Variants in BEND2 observed in about 807,000 individuals in gnomAD.
The protein encoded by BEND2 is BEN domain-containing protein 2.
A neutral mutation model predicts 43.8 loss-of-function variants in BEND2; 19 were observed. That is an observed-to-expected ratio of 0.43 (90% CI 0.30 to 0.64). The LOEUF (loss-of-function observed/expected upper bound fraction) is 0.64, where lower values mean the gene tolerates loss of function less well. Ranked by LOEUF, BEND2 falls within the 30% of genes least tolerant of loss-of-function variation. The pLI is 0.11. For synonymous variants in BEND2, 226 were observed against 210.1 expected, an observed-to-expected ratio of 1.08 and a Z score of -0.66; for missense variants, 544 against 574.0, an observed-to-expected ratio of 0.95 and a Z score of 0.53.
chrX:18,179,837 T>A (rs750872001), intron 9 of BEND2, among the ~76,000 whole-genome samples: 5 of 112,515 alleles, frequency 4.4e-5, no homozygotes, highest in African/African-American at 1.6e-4. Context: ...GGTCCCCTCA[T>A]CTCTGCCACT....
chrX:18,196,983 C>T (rs1316569596), intron 6 of BEND2, among the ~76,000 whole-genome samples: 1 of 111,897 alleles, frequency 8.9e-6, no homozygotes, highest in East Asian at 2.8e-4. Context: ...AAAACTGGGG[C>T]TATCTCAGTT....
chrX:18,203,386 T>C (rs368997057), intron 5 of BEND2, 115 bp downstream of exon 5: 4 of 876,187 alleles, frequency 4.6e-6, no homozygotes, highest in Non-Finnish European at 4.8e-6. Flanking sequence ...GAATCTATAA[T>C]GGCTTCAAGA....
intron 1 of BEND2, among the ~76,000 whole-genome samples, chrX:18,217,454 G>A (rs917844204): frequency 8.9e-6 from 1 of 111,939 alleles, no homozygotes; most frequent in Non-Finnish European, 1.9e-5. Flanking sequence ...ACTAATGCAG[G>A]AGAATAAAAT....
intron 9 of BEND2, among the ~76,000 whole-genome samples, chrX:18,179,179 GTTTTTTT>G (rs1164362773): frequency 4.6e-4 from 27 of 58,385 alleles, no homozygotes; most frequent in African/African-American, 1.7e-3. Flanking sequence ...TTTTGTTTCT[GTTTTTTT>G]TTTTTTTTTT....
chrX:18,202,214 C>T (rs1346403227), intron 5 of BEND2, among the ~76,000 whole-genome samples: 1 of 111,567 alleles, frequency 9.0e-6, no homozygotes, highest in Admixed American at 9.5e-5. Context: ...AGTAGATCAC[C>T]CATATATAGC....
intron 8 of BEND2, among the ~76,000 whole-genome samples, chrX:18,181,978 C>A (rs1160907182): frequency 8.9e-6 from 1 of 111,910 alleles, no homozygotes; most frequent in East Asian, 2.8e-4. Context: ...ACAAGACCCT[C>A]GATTGCCAGG....
chrX:18,179,773 T>A (rs776888365), intron 9 of BEND2, among the ~76,000 whole-genome samples: 1 of 112,396 alleles, frequency 8.9e-6, no homozygotes, highest in East Asian at 2.8e-4. Flanking sequence ...GAGACAAAAA[T>A]GAACTGACTA....
chrX:18,180,921 C>T (rs1172744800), intron 8 of BEND2, among the ~76,000 whole-genome samples: 1 of 110,161 alleles, frequency 9.1e-6, no homozygotes, highest in Non-Finnish European at 1.9e-5. Flanking sequence ...ATTACACGCA[C>T]CCACCACCAT....
At chrX:18,207,912 G>A (rs1469978469) in intron 4 of BEND2, among the ~76,000 whole-genome samples, 2 of 110,964 alleles carry the variant, frequency 1.8e-5, no homozygotes, top group East Asian at 2.8e-4. Flanking sequence ...CCAGCTACTC[G>A]GGAGGCTGAG....
chrX:18,214,865 C>T (rs916184203), intron 2 of BEND2, among the ~76,000 whole-genome samples: 5 of 99,274 alleles, frequency 5.0e-5, no homozygotes, highest in African/African-American at 1.5e-4. Context: ...CTAAAAAATT[C>T]AGCTCATTAC....
chrX:18,191,133 G>C, intron 7 of BEND2, 25 bp from the exon 8 acceptor site: 3 of 1,121,696 alleles, frequency 2.7e-6, no homozygotes, highest in Non-Finnish European at 3.6e-6. Context: ...ATTTCAATAT[G>C]TAAAACATTT....
chrX:18,169,834 C>A (rs1889886700), intron 13 of BEND2, among the ~76,000 whole-genome samples: 1 of 111,945 alleles, frequency 8.9e-6, no homozygotes, highest in Non-Finnish European at 1.9e-5. Flanking sequence ...AGACATCTTC[C>A]AGATTTTAAT....
chrX:18,190,165 G>A (rs1221288044), intron 8 of BEND2, among the ~76,000 whole-genome samples: 4 of 111,792 alleles, frequency 3.6e-5, no homozygotes, highest in Non-Finnish European at 7.5e-5. Flanking sequence ...ATAGTTGACG[G>A]TTTCTTATAA....
chrX:18,204,951 A>C (rs971416187), intron 4 of BEND2, among the ~76,000 whole-genome samples: 1 of 112,101 alleles, frequency 8.9e-6, no homozygotes, highest in Non-Finnish European at 1.9e-5. Flanking sequence ...ATATACAGAC[A>C]GTGAGTGTTC....
chrX:18,202,254 C>G (rs1179044321), intron 5 of BEND2, among the ~76,000 whole-genome samples: 1 of 112,079 alleles, frequency 8.9e-6, no homozygotes, highest in Non-Finnish European at 1.9e-5. Context: ...TACAGCGCCC[C>G]TGGAAAATAG....
At chrX:18,220,500 C>T (rs1925836362) in intron 1 of BEND2, among the ~76,000 whole-genome samples, 1 of 111,640 alleles carries the variant, frequency 9.0e-6, no homozygotes, top group South Asian at 3.9e-4. Flanking sequence ...GCCCCTGAGA[C>T]GACCTGAACC....
intron 3 of BEND2, among the ~76,000 whole-genome samples, chrX:18,213,077 C>T (rs1925562358): frequency 9.0e-6 from 1 of 111,680 alleles, no homozygotes; most frequent in Admixed American, 9.5e-5. Flanking sequence ...AGATCGGACC[C>T]CCACTGCTAT....
intron 2 of BEND2, among the ~76,000 whole-genome samples, chrX:18,215,798 G>A (rs140265608): frequency 2.1e-4 from 24 of 112,082 alleles, no homozygotes; most frequent in African/African-American, 7.5e-4. Context: ...GTTTTAAAGA[G>A]AAGAAAATCC....
rs1924062682 is a variant in BEND2 at position 18,174,136 on chromosome X, G to C, written c.1875C>G (p.Asn625Lys). 5.0e-6 allele frequency: 6 copies of C among 1,209,522 alleles called. No individual in the cohort carries two copies. The highest frequency in any genetic ancestry group is 6.7e-6 in the Non-Finnish European group (6 of 894,683). The change falls in exon 12 of 14, where the codon AAC (asparagine) becomes AAG (lysine). Residue 625 changes from asparagine to lysine, a missense_variant. Asn to Lys is a moderately conservative substitution (Grantham distance 94, BLOSUM62 0). Transcript: ENST00000380033. The stretch of plus-strand genomic sequence containing the variant: ...AGTTCCTCTTTTCTCTCATTTTGGA[G>C]TTATTCATTGGCTGAAACATCCAAG... Reference protein sequence around the residue: ...GCSWMFQPMNNSKMREKRNLQ... With the variant: ...GCSWMFQPMNKSKMREKRNLQ...
Sources: gnomAD v4.1 joint callset for allele counts (sites outside exome capture counted in the v4.1 genomes callset) on GRCh38, gnomAD v4.1.1 for gene constraint, MANE v1.5 for transcripts, NCBI Gene and HGNC (gene_info 2026-07-23, HGNC 2026-07-21) for gene names.